Variants in WASF1 observed in about 807,000 individuals in gnomAD.
WASF1 encodes actin-binding protein WASF1.
In WASF1, 7 loss-of-function variants were observed where a neutral mutation model predicts 50.5. The ratio of observed to expected loss-of-function variants is 0.14; its 90% CI spans 0.08 to 0.26. WASF1 has a LOEUF of 0.26. Among genes scored for constraint, WASF1 ranks in the 10% least tolerant of loss-of-function variants. The pLI, the probability that WASF1 is intolerant of heterozygous loss-of-function variation, is 1.00. For synonymous variants in WASF1, 205 were observed against 244.0 expected, an observed-to-expected ratio of 0.84 and a Z score of 1.49; for missense variants, 470 against 694.7, an observed-to-expected ratio of 0.68 and a Z score of 3.64.
intron 3 of WASF1, among the ~76,000 whole-genome samples, chr6:110,129,413 T>G (rs1018967742): frequency 1.3e-5 from 2 of 152,140 alleles, no homozygotes. Context: ...CTGCCACTGT[T>G]TGAGAGCTTC....
chr6:110,125,280 A>G (rs1774370499), intron 4 of WASF1, among the ~76,000 whole-genome samples: 1 of 152,222 alleles, frequency 6.6e-6, no homozygotes, highest in Non-Finnish European at 1.5e-5. Flanking sequence ...GCCAGAAAAC[A>G]GCCTTGAAAT....
intron 3 of WASF1, among the ~76,000 whole-genome samples, chr6:110,139,452 C>T (rs550447994): frequency 5.9e-5 from 9 of 152,190 alleles, no homozygotes; most frequent in Non-Finnish European, 1.2e-4. Context: ...GGGCTGCTGC[C>T]GCCATCATAA....
rs759865889 is a variant in WASF1 at position 110,124,191 on chromosome 6, G to GTC, written c.133+3276_133+3277dup. ...AAATAGGGAACCCAGCCCCATCAGC[G>GTC]TCTCTCTCTCTCTCTCTCTCTCTCT... On this transcript the variant is annotated intron_variant, in intron 4 of 10. Transcript: ENST00000392589. Among the ~76,000 whole-genome samples, 414 of 91,270 alleles carry GTC rather than the reference G, an allele frequency of 4.5e-3. 10 individuals are homozygous for GTC. The highest frequency in any genetic ancestry group is 0.019 in the East Asian group (54 of 2,820). 59.9% of individuals were successfully genotyped at this position (91,270 alleles called of 152,430 possible). A position where few individuals can be genotyped will look rare whatever the true frequency, so the allele number is the denominator to read the frequency against.
At chr6:110,103,634 T>C in intron 8 of WASF1, 77 bp from the exon 9 acceptor site, 2 of 1,298,522 alleles carry the variant, frequency 1.5e-6, no homozygotes, top group South Asian at 3.6e-5. Context: ...ATATTAAATA[T>C]TTAAAGTTTA....
chr6:110,113,627 A>G (rs767976135), intron 4 of WASF1, among the ~76,000 whole-genome samples, 167 bp from the exon 5 acceptor site: 10 of 152,142 alleles, frequency 6.6e-5, no homozygotes, highest in Non-Finnish European at 1.5e-4. Context: ...TGAATTTGGA[A>G]TTTATTTGGA....
chr6:110,159,389 T>C (rs950353270), intron 3 of WASF1, among the ~76,000 whole-genome samples: 1 of 151,900 alleles, frequency 6.6e-6, no homozygotes, highest in Non-Finnish European at 1.5e-5. Flanking sequence ...ACCATTGATG[T>C]AGGGGATAAC....
chr6:110,111,529 A>G (rs922360660), intron 5 of WASF1, among the ~76,000 whole-genome samples: 1 of 152,206 alleles, frequency 6.6e-6, no homozygotes, highest in Admixed American at 6.5e-5. Context: ...CATTTCTCCA[A>G]AGGAGATATT....
intron 4 of WASF1, among the ~76,000 whole-genome samples, chr6:110,122,162 T>C (rs578133100): frequency 6.6e-6 from 1 of 150,554 alleles, no homozygotes; most frequent in South Asian, 2.1e-4. Context: ...TATGCACATG[T>C]ACCATAGAAC....
intron 3 of WASF1, among the ~76,000 whole-genome samples, chr6:110,144,534 T>C (rs1775440557): frequency 6.6e-6 from 1 of 152,248 alleles, no homozygotes; most frequent in Admixed American, 6.5e-5. Flanking sequence ...ATGAAGTCCT[T>C]GCCCATGCCT....
At chr6:110,142,964 A>AC (rs1248685966) in intron 3 of WASF1, among the ~76,000 whole-genome samples, 2 of 150,514 alleles carry the variant, frequency 1.3e-5, no homozygotes, top group Non-Finnish European at 3.0e-5. Flanking sequence ...AAAAAAAAAA[A>AC]AAAAAAAAAC....
intron 3 of WASF1, among the ~76,000 whole-genome samples, chr6:110,131,915 A>G (rs1197027548): frequency 1.3e-5 from 2 of 152,180 alleles, no homozygotes; most frequent in African/African-American, 4.8e-5. Context: ...TAAGATTATC[A>G]AGTCACACAT....
intron 3 of WASF1, among the ~76,000 whole-genome samples, chr6:110,139,904 G>C (rs1775150416): frequency 6.6e-6 from 1 of 152,154 alleles, no homozygotes; most frequent in Non-Finnish European, 1.5e-5. Flanking sequence ...AACAAAAGTT[G>C]CATGAATATG....
At chr6:110,150,329 T>C (rs1229762709) in intron 3 of WASF1, among the ~76,000 whole-genome samples, 3 of 152,140 alleles carry the variant, frequency 2.0e-5, no homozygotes, top group African/African-American at 7.2e-5. Flanking sequence ...TAGACTAAGG[T>C]AAATTATTAT....
Position 110,101,732 on chromosome 6 carries a change from A to G in WASF1, c.1378T>C (p.Ser460Pro), listed in dbSNP as rs755857716. Reference protein sequence around the residue: ...HPPSGLHPTPSTAPGPHVPLM... With the variant: ...HPPSGLHPTPPTAPGPHVPLM... ...GGAACATGGGGACCTGGGGCAGTAG[A>G]TGGAGTTGGATGTAGCCCAGAGGGA... Residue 460 changes from serine to proline, a missense_variant, in exon 10 of 11, where the codon TCT becomes CCT. Coordinates refer to ENST00000392589, the MANE Select transcript of WASF1 (RefSeq NM_003931.3). 2 of 1,613,968 alleles carry G rather than the reference A, an allele frequency of 1.2e-6. No homozygotes were observed. Among genetic ancestry groups the G allele is most frequent in the African/African-American group, 2.7e-5 (2 of 74,904 alleles).
intron 1 of WASF1, among the ~76,000 whole-genome samples, chr6:110,179,152 C>G (rs73537927): frequency 0.28 from 42,404 of 152,138 alleles, 8,531 homozygotes; most frequent in African/African-American, 0.57. Context: ...CCTCAGGTGA[C>G]ACCCACAGTC....
At chr6:110,113,265 C>A (rs1214046745) in intron 5 of WASF1, 61 bp downstream of exon 5, 3 of 1,348,354 alleles carry the variant, frequency 2.2e-6, no homozygotes, top group Non-Finnish European at 2.9e-6. Context: ...TTAAGTATAT[C>A]ATTCATCTCA....
At chr6:110,154,863 G>C (rs1187802441) in intron 3 of WASF1, among the ~76,000 whole-genome samples, 2 of 152,012 alleles carry the variant, frequency 1.3e-5, no homozygotes, top group African/African-American at 2.4e-5. Context: ...AAGACTAAAA[G>C]GATCCAAAGC....
chr6:110,104,750 C>T (rs2114454375), intron 8 of WASF1, among the ~76,000 whole-genome samples: 1 of 152,314 alleles, frequency 6.6e-6, no homozygotes, highest in Middle Eastern at 3.4e-3. Context: ...GAGCACACCA[C>T]TGCACTCCAC....
chr6:110,163,475 T>TA (rs917438609), intron 2 of WASF1, among the ~76,000 whole-genome samples: 1 of 151,360 alleles, frequency 6.6e-6, no homozygotes, highest in African/African-American at 2.4e-5. Context: ...GGGGACTTTT[T>TA]AAAAAAGGCA....
Sources: allele counts gnomAD v4.1 joint callset (sites outside exome capture counted in the v4.1 genomes callset), GRCh38; gene constraint gnomAD v4.1.1; transcripts MANE v1.5; gene names NCBI Gene and HGNC (gene_info 2026-07-23, HGNC 2026-07-21).